The following EIF3K variants were observed in gnomAD, a reference collection of about 807,000 sequenced individuals.
The protein encoded by EIF3K is eukaryotic translation initiation factor 3 subunit K, also known as eIF-3 p28.
In EIF3K, 27 loss-of-function variants were observed where a neutral mutation model predicts 34.2. The observed-to-expected ratio is 0.79, with a 90% CI of 0.58 to 1.09. The LOEUF is 1.09. Among genes scored for constraint, EIF3K ranks in the 50% least tolerant of loss-of-function variants. The pLI is 0.00. For synonymous variants in EIF3K, 105 were observed against 105.7 expected, an observed-to-expected ratio of 0.99 and a Z score of 0.04; for missense variants, 232 against 275.4, an observed-to-expected ratio of 0.84 and a Z score of 1.11.
chr19:38,632,726 T>G (rs1452223881), intron 6 of EIF3K, 48 bp downstream of exon 6: 1 of 1,545,822 alleles, frequency 6.5e-7, no homozygotes, highest in Non-Finnish European at 8.8e-7. Flanking sequence ...TGGGGGTGGC[T>G]AGGGCAGTGG....
rs751734799 is a variant in EIF3K at position 38,619,244 on chromosome 19, C to T, written c.-25C>T. 1 of 1,613,688 alleles carries T rather than the reference C, an allele frequency of 6.2e-7. No individual in the cohort carries two copies. Among genetic ancestry groups the T allele is most frequent in the Non-Finnish European group, 8.5e-7 (1 of 1,179,722 alleles). Reference sequence around the variant, plus strand: ...GCCGGGTCAGTGTTAGCCTCCAGCCCTGGTTGTGGAAGGCGACAGAAGTCA... The same window carrying T: ...GCCGGGTCAGTGTTAGCCTCCAGCCTTGGTTGTGGAAGGCGACAGAAGTCA... On this transcript the variant is annotated 5_prime_UTR_variant, in exon 1 of 8. Transcript: ENST00000248342.
chr19:38,633,818 C>G (rs1325607487), intron 6 of EIF3K, among the ~76,000 whole-genome samples: 1 of 150,242 alleles, frequency 6.7e-6, no homozygotes, highest in East Asian at 2.1e-4. Flanking sequence ...ACTAAAAATA[C>G]AAAAATTAGC....
intron 4 of EIF3K, 178 bp from the exon 5 acceptor site, chr19:38,632,252 T>G: frequency 1.6e-6 from 1 of 611,686 alleles, no homozygotes; most frequent in Non-Finnish European, 2.8e-6. Flanking sequence ...CTCGTCTATG[T>G]AACAACAGCA....
In EIF3K at chr19:38,635,042, G is replaced by A. The variant is rs200004532; in HGVS notation, c.549G>A (p.Glu183=). The A allele has an allele frequency of 5.6e-6, 9 of 1,614,206 alleles. No individual in the cohort carries two copies. In the East Asian group the frequency reaches 8.9e-5, roughly 16 times the overall value. ...GCAAATACGGCTGGAGTGCCGACGA[G>A]TCGGGGCAGATCTTCATCTGTAGCC... ...WMSKYGWSAD[E]SGQIFICSQE... is the part of the protein sequence containing the mutation. Residue 183 remains glutamate (E), a synonymous_variant, in exon 7 of 8, where the codon GAG becomes GAA. Coordinates refer to ENST00000248342, the MANE Select transcript of EIF3K (RefSeq NM_013234.4).
At chr19:38,626,175 G>C (rs530781833) in intron 4 of EIF3K, 73 bp downstream of exon 4, 1,120 of 1,385,244 alleles carry the variant, frequency 8.1e-4, no homozygotes, top group Non-Finnish European at 1.0e-3. Context: ...AGTAACAACG[G>C]TGCACACTGA....
chr19:38,626,578 G>C (rs1267408435), intron 4 of EIF3K, among the ~76,000 whole-genome samples: 1 of 152,142 alleles, frequency 6.6e-6, no homozygotes, highest in African/African-American at 2.4e-5. Context: ...TTGAGGCTGC[G>C]AGTGAGCCGT....
At position 38,632,478 on chromosome 19, in the gene EIF3K, G is replaced by A. The variant is rs372914594; in HGVS notation, c.403G>A (p.Glu135Lys). The change falls in exon 5 of 8, where the codon GAA becomes AAA. Residue 135 changes from glutamate (E) to lysine (K), a missense_variant. Coordinates refer to ENST00000248342, the MANE Select transcript of EIF3K (RefSeq NM_013234.4). Reference protein sequence around the residue: ...MDLLEGITGFEDSVRKFICHV... With the variant: ...MDLLEGITGFKDSVRKFICHV... ...CCTCTTGGAAGGTATAACTGGCTTT[G>A]AAGACTCTGTCCGAAAGTGTAAGTC... 6.1e-5 allele frequency: 98 copies of A among 1,614,096 alleles called. No individual in the cohort carries two copies. The highest frequency in any genetic ancestry group is 8.2e-5 in the Non-Finnish European group (97 of 1,180,038).
chr19:38,634,635 A>G (rs1421906487), intron 6 of EIF3K, among the ~76,000 whole-genome samples: 1 of 152,058 alleles, frequency 6.6e-6, no homozygotes, highest in Non-Finnish European at 1.5e-5. Context: ...GGTAATGGTC[A>G]TGTTATAATT....
chr19:38,636,951 C>G lies in EIF3K; in HGVS notation c.*31C>G. 1.2e-6 allele frequency: 2 copies of G among 1,613,876 alleles called. No homozygotes were observed. Among genetic ancestry groups the G allele is most frequent in the Admixed American group, 1.7e-5 (1 of 60,018 alleles). On this transcript the variant is annotated 3_prime_UTR_variant, in exon 8 of 8. Coordinates refer to ENST00000248342, the MANE Select transcript of EIF3K (RefSeq NM_013234.4). The stretch of plus-strand genomic sequence containing the variant: ...GGTGTTTAATAAAGATGTGTTGACT[C>G]AGCCCTACTGTCTCCTCCCTGGCTT...
At chr19:38,632,288 G>A in intron 4 of EIF3K, 142 bp from the exon 5 acceptor site, 1 of 731,960 alleles carries the variant, frequency 1.4e-6, no homozygotes, top group East Asian at 2.7e-5. Context: ...CACTTTGGGG[G>A]GCTGAGGCAG....
chr19:38,634,828 CA>C (rs1221224996), intron 6 of EIF3K, among the ~76,000 whole-genome samples, 164 bp from the exon 7 acceptor site: 1 of 152,194 alleles, frequency 6.6e-6, no homozygotes. Context: ...CGTGGAAGGG[CA>C]GGGGCGGAAG....
intron 4 of EIF3K, chr19:38,630,581 C>G (rs982081391): frequency 1.3e-5 from 2 of 151,818 alleles, no homozygotes; most frequent in East Asian, 3.9e-4. Context: ...CCTGACCTCA[C>G]GATCGCCCGT....
At chr19:38,636,607 T>C (rs1976198147) in intron 7 of EIF3K, among the ~76,000 whole-genome samples, 1 of 152,164 alleles carries the variant, frequency 6.6e-6, no homozygotes, top group Admixed American at 6.6e-5. Context: ...TCCTATAAGG[T>C]AGGTGCTTCT....
intron 4 of EIF3K, among the ~76,000 whole-genome samples, chr19:38,631,249 A>G (rs1456591634): frequency 1.3e-5 from 2 of 152,190 alleles, no homozygotes; most frequent in Admixed American, 1.3e-4. Context: ...AAGGGGGCCC[A>G]GGGGACCGCG....
chr19:38,628,729 C>T lies in EIF3K; in HGVS notation c.354+2627C>T, dbSNP rs1249773099. ...ATCCCAGCTACTCGGGAGGCTGAGG[C>T]AGGAGAATTGCTTGAACCTGGGAGG... On this transcript the variant is annotated intron_variant, in intron 4 of 7. Coordinates refer to ENST00000248342, the MANE Select transcript of EIF3K (RefSeq NM_013234.4). Among the ~76,000 whole-genome samples, 4 of 152,046 alleles carry T rather than the reference C, an allele frequency of 2.6e-5. No individual in the cohort carries two copies. In the East Asian group the frequency reaches 7.7e-4, roughly 29 times the overall value.
intron 6 of EIF3K, among the ~76,000 whole-genome samples, chr19:38,634,539 A>C (rs1320710471): frequency 6.6e-6 from 1 of 151,740 alleles, no homozygotes; most frequent in Non-Finnish European, 1.5e-5. Context: ...TGGAGGTTGC[A>C]GTGAGCCGAG....
intron 6 of EIF3K, among the ~76,000 whole-genome samples, chr19:38,633,828 C>G (rs1263743397): frequency 6.6e-6 from 1 of 151,504 alleles, no homozygotes; most frequent in Non-Finnish European, 1.5e-5. Context: ...CAAAAATTAG[C>G]TGGACGTGTT....
intron 2 of EIF3K, among the ~76,000 whole-genome samples, chr19:38,621,506 A>G (rs543158312): frequency 1.3e-5 from 2 of 152,242 alleles, no homozygotes; most frequent in Non-Finnish European, 2.9e-5. Context: ...GAAAGCCTAC[A>G]TAATCACCAT....
chr19:38,627,119 T>G (rs112885443), intron 4 of EIF3K, among the ~76,000 whole-genome samples: 5,438 of 152,178 alleles, frequency 0.036, 140 homozygotes, highest in Non-Finnish European at 0.057. Context: ...CCTAAGTGGC[T>G]GGGGTTACAG....
Sources: gnomAD v4.1 joint callset for allele counts (sites outside exome capture counted in the v4.1 genomes callset) on GRCh38, gnomAD v4.1.1 for gene constraint, MANE v1.5 for transcripts, NCBI Gene and HGNC (gene_info 2026-07-23, HGNC 2026-07-21) for gene names.